RBM38: variants seen among roughly 807,000 people sequenced by gnomAD.
RBM38 encodes RNA-binding protein 38.
RBM38 carries 11 observed loss-of-function variants against 23.5 expected under a neutral mutation model. The ratio of observed to expected loss-of-function variants is 0.47; its 90% CI spans 0.29 to 0.77. RBM38 has a LOEUF of 0.77. Among genes scored for constraint, RBM38 ranks in the 30% least tolerant of loss-of-function variants. RBM38 has a pLI of 0.08. For synonymous variants in RBM38, 165 were observed against 166.1 expected (o/e 0.99, Z 0.05); for missense variants, 330 against 351.9 (o/e 0.94, Z 0.50).
chr20:57,394,576 T>A lies in RBM38; in HGVS notation c.416+1243T>A, dbSNP rs922514722. The stretch of plus-strand genomic sequence containing the variant: ...TCAGGTTCCTGCCGGGGTGCCTCTG[T>A]CCTCCTGGGAAGGGAGCGTGTAGGG... On this transcript the variant is annotated intron_variant, in intron 3 of 3. Transcript: ENST00000356208. Among the ~76,000 whole-genome samples, 8 of 152,202 alleles carry A rather than the reference T, an allele frequency of 5.3e-5. No individual in the cohort carries two copies. The East Asian group carries it at 1.5e-3, about 29-fold the overall frequency.
intron 3 of RBM38, among the ~76,000 whole-genome samples, chr20:57,404,205 G>T (rs1424186779): frequency 2.6e-5 from 4 of 152,232 alleles, no homozygotes; most frequent in South Asian, 2.1e-4. Flanking sequence ...CTGCCCCACA[G>T]CCCCAGGCAC....
intron 3 of RBM38, among the ~76,000 whole-genome samples, chr20:57,403,304 C>A (rs2067348026): frequency 6.6e-6 from 1 of 152,210 alleles, no homozygotes; most frequent in Non-Finnish European, 1.5e-5. Context: ...GTAACTCAGA[C>A]AAGTGCAGGG....
chr20:57,392,213 C>T (rs1033759583), intron 1 of RBM38: 4 of 342,190 alleles, frequency 1.2e-5, no homozygotes, highest in South Asian at 2.3e-5. Context: ...TTTTAACAGC[C>T]CTCTCAGCCG....
At chr20:57,401,344 G>A (rs2067326200) in intron 3 of RBM38, among the ~76,000 whole-genome samples, 1 of 152,216 alleles carries the variant, frequency 6.6e-6, no homozygotes, top group Non-Finnish European at 1.5e-5. Context: ...CTGGCGGGCT[G>A]TGCCTGTCTA....
chr20:57,395,794 C>T (rs1021533659), intron 3 of RBM38, among the ~76,000 whole-genome samples: 2 of 151,716 alleles, frequency 1.3e-5, no homozygotes, highest in East Asian at 1.9e-4. Context: ...AGAGCTGGGC[C>T]GTCAGCGTCC....
chr20:57,400,381 T>TC (rs2067315472), intron 3 of RBM38, among the ~76,000 whole-genome samples: 2 of 151,728 alleles, frequency 1.3e-5, no homozygotes, highest in Admixed American at 1.3e-4. Context: ...AGGCTCGGGG[T>TC]CCCCCTGTCC....
At chr20:57,392,831 G>C (rs1330418379) in intron 2 of RBM38, 54 bp downstream of exon 2, 6 of 1,588,602 alleles carry the variant, frequency 3.8e-6, no homozygotes, top group Non-Finnish European at 5.1e-6. Context: ...ATTGGGTGTC[G>C]GTATCTGTCG....
intron 3 of RBM38, among the ~76,000 whole-genome samples, chr20:57,394,247 C>G (rs566018078): frequency 2.0e-5 from 3 of 151,834 alleles, no homozygotes; most frequent in South Asian, 2.1e-4. Context: ...TTGAGAGAGA[C>G]ACAGCTTGAG....
intron 1 of RBM38, 66 bp downstream of exon 1, chr20:57,391,884 C>T: frequency 8.0e-7 from 1 of 1,243,034 alleles, no homozygotes; most frequent in South Asian, 1.7e-5. Context: ...GGCGCCGAGT[C>T]CACTCCGGGG....
rs2067396372 is a variant in RBM38, at chr20:57,407,399, C to T, written c.417-144C>T. On this transcript the variant is annotated intron_variant, in intron 3 of 3. Coordinates refer to ENST00000356208, the MANE Select transcript of RBM38 (RefSeq NM_017495.6). The surrounding 1 kb of genome is among the most constrained non-coding windows in gnomAD (Gnocchi z 4.0). ...AGGCCTTGAGGCGGCAGCATCTGGCCAGGTGCTGTTTCTGTGCCCATCTGA... is the reference window on the plus strand; with the variant it reads ...AGGCCTTGAGGCGGCAGCATCTGGCTAGGTGCTGTTTCTGTGCCCATCTGA... The T allele has an allele frequency of 1.1e-6, 1 of 921,050 alleles. No homozygotes were observed. Among genetic ancestry groups the T allele is most frequent in the Admixed American group, 2.4e-5 (1 of 42,268 alleles). 57.1% of individuals were successfully genotyped at this position (921,050 alleles called of 1,614,324 possible).
At chr20:57,398,465 TGG>T (rs1049656030) in intron 3 of RBM38, among the ~76,000 whole-genome samples, 5 of 152,150 alleles carry the variant, frequency 3.3e-5, no homozygotes, top group African/African-American at 9.6e-5. Flanking sequence ...CCAGGCGGCA[TGG>T]GGGCTGGGAG....
At position 57,394,555 on chromosome 20, in the gene RBM38, G is replaced by A. The variant is rs138097049; in HGVS notation, c.416+1222G>A. 4.4e-3 allele frequency among the ~76,000 whole-genome samples: 665 copies of A among 152,318 alleles called. 4 individuals carry two copies. The highest frequency in any genetic ancestry group is 0.015 in the African/African-American group (639 of 41,570). Reference sequence around the variant, plus strand: ...CTGTGCGAGTGGCCGGGCAGCTCAGGTTCCTGCCGGGGTGCCTCTGTCCTC... The same window carrying A: ...CTGTGCGAGTGGCCGGGCAGCTCAGATTCCTGCCGGGGTGCCTCTGTCCTC... On this transcript the variant is annotated intron_variant, in intron 3 of 3. Transcript: ENST00000356208.
chr20:57,399,250 G>T (rs1157075782), intron 3 of RBM38, among the ~76,000 whole-genome samples: 1 of 152,168 alleles, frequency 6.6e-6, no homozygotes, highest in Non-Finnish European at 1.5e-5. Context: ...ACCGGACCAC[G>T]CAGGCTCCGA....
chr20:57,396,507 C>G (rs2067276129), intron 3 of RBM38, among the ~76,000 whole-genome samples: 1 of 152,356 alleles, frequency 6.6e-6, no homozygotes, highest in Admixed American at 6.5e-5. Flanking sequence ...TGTCCTGGGA[C>G]TAGCTGCACC....
intron 3 of RBM38, among the ~76,000 whole-genome samples, chr20:57,397,509 A>G (rs1363677644): frequency 5.9e-5 from 9 of 152,214 alleles, no homozygotes; most frequent in African/African-American, 2.2e-4. Context: ...AGGGACCCCT[A>G]CGTCCTTTGT....
At chr20:57,406,598 G>C (rs1376024609) in intron 3 of RBM38, among the ~76,000 whole-genome samples, 1 of 152,186 alleles carries the variant, frequency 6.6e-6, no homozygotes, top group Non-Finnish European at 1.5e-5. Flanking sequence ...TCATCTCTGT[G>C]GTCACCGCCA....
At chr20:57,393,143 C>A in intron 2 of RBM38, 136 bp from the exon 3 acceptor site, 1 of 867,746 alleles carries the variant, frequency 1.2e-6, no homozygotes, top group Non-Finnish European at 1.9e-6. Context: ...AAGGGGGAGG[C>A]CTGGGAGGGG....
chr20:57,392,832 G>C, intron 2 of RBM38, 55 bp downstream of exon 2: 1 of 1,588,882 alleles, frequency 6.3e-7, no homozygotes, highest in Non-Finnish European at 8.6e-7. Context: ...TTGGGTGTCG[G>C]TATCTGTCGG....
chr20:57,394,213 C>T (rs1166953147), intron 3 of RBM38, among the ~76,000 whole-genome samples: 1 of 152,150 alleles, frequency 6.6e-6, no homozygotes, highest in Non-Finnish European at 1.5e-5. Context: ...TGTGCTCACG[C>T]ATGTGCGCAC....
Sources: allele counts gnomAD v4.1 joint callset (sites outside exome capture counted in the v4.1 genomes callset), GRCh38; gene constraint gnomAD v4.1.1; non-coding constraint Gnocchi (gnomAD v3.1); transcripts MANE v1.5; gene names NCBI Gene and HGNC (gene_info 2026-07-23, HGNC 2026-07-21).